SLC24A2: variants seen among roughly 807,000 people sequenced by gnomAD.
SLC24A2 encodes sodium/potassium/calcium exchanger 2.
Under a neutral mutation model 62.0 loss-of-function variants are expected in SLC24A2, and 36 were observed. The observed-to-expected ratio is 0.58, with a 90% CI of 0.44 to 0.77. SLC24A2 has a LOEUF of 0.77. Ranked by LOEUF, SLC24A2 falls within the 30% of genes least tolerant of loss-of-function variation. The probability of loss-of-function intolerance (pLI) is 0.00; values close to 1 mark genes in which losing one functional copy is unlikely to be tolerated. For synonymous variants in SLC24A2, 358 were observed against 294.0 expected (o/e 1.22, Z -2.23); for missense variants, 846 against 817.9 (o/e 1.03, Z -0.42).
intron 2 of SLC24A2, among the ~76,000 whole-genome samples, chr9:19,771,289 C>G (rs556503150): frequency 3.3e-5 from 5 of 152,298 alleles, no homozygotes; most frequent in South Asian, 4.1e-4. Context: ...CCTCCTAAAG[C>G]ACAACACTAT....
rs1387793837 is a variant in SLC24A2, at chr9:19,507,988, C to G, written c.*8165G>C. ...TCTATGTTGGCGTCAACGTTGACAA[C>G]ATTTTCTTTGTTTTAACCGTATCTG... On this transcript the variant is annotated 3_prime_UTR_variant, in exon 11 of 11. Transcript: ENST00000341998. 6.6e-6 allele frequency: 1 copy of G among 152,210 alleles called. No homozygotes were observed. The highest frequency in any genetic ancestry group is 2.4e-5 in the African/African-American group (1 of 41,456). 9.4% of individuals were successfully genotyped at this position (152,210 alleles called of 1,614,324 possible). A position where few individuals can be genotyped will look rare whatever the true frequency, so the allele number is the denominator to read the frequency against.
the SLC24A2 span, among the ~76,000 whole-genome samples, chr9:20,101,533 G>A: frequency 6.6e-6 from 1 of 152,140 alleles, no homozygotes; most frequent in Non-Finnish European, 1.5e-5. Flanking sequence ...AATAGTATGA[G>A]AGAACTTTTG....
chr9:19,631,266 C>A (rs1313512276), intron 2 of SLC24A2, among the ~76,000 whole-genome samples: 2 of 152,158 alleles, frequency 1.3e-5, no homozygotes, highest in Non-Finnish European at 2.9e-5. Flanking sequence ...AGGTAAATAG[C>A]TTCGTCTTGG....
chr9:20,283,241 G>A, the SLC24A2 span, among the ~76,000 whole-genome samples: 1 of 152,162 alleles, frequency 6.6e-6, no homozygotes, highest in East Asian at 1.9e-4. Context: ...TGTCCATTTG[G>A]ATGTTGCCGT....
the SLC24A2 span, among the ~76,000 whole-genome samples, chr9:19,938,606 A>G: frequency 4.6e-5 from 7 of 152,306 alleles, no homozygotes; most frequent in South Asian, 1.0e-3. Flanking sequence ...ACCTAGACCT[A>G]TAAGTCTCCA....
chr9:19,750,976 T>C (rs1423734320), intron 2 of SLC24A2, among the ~76,000 whole-genome samples: 5 of 152,198 alleles, frequency 3.3e-5, no homozygotes, highest in Non-Finnish European at 7.4e-5. Context: ...CCTTCTCGAC[T>C]GAAGATTTAG....
the SLC24A2 span, among the ~76,000 whole-genome samples, chr9:20,286,351 C>T: frequency 3.3e-5 from 5 of 152,316 alleles, no homozygotes; most frequent in Non-Finnish European, 7.4e-5. Context: ...CACATCCAGG[C>T]TCCATCAAGC....
intron 7 of SLC24A2, among the ~76,000 whole-genome samples, chr9:19,563,114 TAAAAA>T (rs1344870474): frequency 1.3e-5 from 2 of 152,010 alleles, no homozygotes; most frequent in African/African-American, 4.8e-5. Flanking sequence ...TCTAAAAAAA[TAAAAA>T]TAAACAGTCT....
chr9:20,105,649 A>G, the SLC24A2 span, among the ~76,000 whole-genome samples: 4 of 151,984 alleles, frequency 2.6e-5, no homozygotes, highest in Admixed American at 6.6e-5. Context: ...TTTGAAACCA[A>G]TGAGAACAAA....
intron 9 of SLC24A2, among the ~76,000 whole-genome samples, chr9:19,524,518 T>C (rs1213270238): frequency 6.6e-6 from 1 of 152,054 alleles, no homozygotes; most frequent in African/African-American, 2.4e-5. Context: ...AAATAGCATT[T>C]ATGATAAAAG....
the SLC24A2 span, among the ~76,000 whole-genome samples, chr9:20,048,184 T>A: frequency 2.0e-4 from 30 of 152,232 alleles, no homozygotes; most frequent in Non-Finnish European, 4.4e-4. Context: ...CTTAGTACTA[T>A]GAGTGTCACT....
intron 2 of SLC24A2, among the ~76,000 whole-genome samples, chr9:19,714,433 T>TAAAAC (rs1332807592): frequency 6.9e-6 from 1 of 144,482 alleles, no homozygotes; most frequent in Non-Finnish European, 1.6e-5. Flanking sequence ...TTCTTTAAAA[T>TAAAAC]AAAACAAAAT....
chr9:19,721,868 C>T (rs757266137), intron 2 of SLC24A2, among the ~76,000 whole-genome samples: 1 of 152,084 alleles, frequency 6.6e-6, no homozygotes, highest in African/African-American at 2.4e-5. Context: ...CATTATTCTT[C>T]ACATAACTGA....
chr9:20,092,191 T>A, the SLC24A2 span, among the ~76,000 whole-genome samples: 2 of 152,306 alleles, frequency 1.3e-5, no homozygotes, highest in South Asian at 4.1e-4. Flanking sequence ...CAAACCCCCA[T>A]GAGTTTACCT....
At chr9:20,122,135 C>T in the SLC24A2 span, among the ~76,000 whole-genome samples, 4 of 152,188 alleles carry the variant, frequency 2.6e-5, no homozygotes, top group Non-Finnish European at 1.5e-5. Context: ...AAATAAGGGT[C>T]TCTTGTTCAC....
intron 2 of SLC24A2, among the ~76,000 whole-genome samples, chr9:19,642,480 A>T (rs1818525085): frequency 6.6e-6 from 1 of 152,054 alleles, no homozygotes; most frequent in Non-Finnish European, 1.5e-5. Flanking sequence ...AGTGTACAAA[A>T]ATCACAGGGT....
intron 5 of SLC24A2, among the ~76,000 whole-genome samples, chr9:19,582,291 G>C (rs1372768125): frequency 6.6e-6 from 1 of 152,168 alleles, no homozygotes; most frequent in Non-Finnish European, 1.5e-5. Context: ...AATGAATTTT[G>C]TTTCTCTTCT....
intron 2 of SLC24A2, among the ~76,000 whole-genome samples, chr9:19,638,025 T>A (rs546947126): frequency 1.3e-5 from 2 of 152,340 alleles, no homozygotes; most frequent in East Asian, 3.9e-4. Flanking sequence ...CTTACATGCA[T>A]TATTCATTTA....
the SLC24A2 span, among the ~76,000 whole-genome samples, chr9:20,231,391 G>C: frequency 2.0e-5 from 3 of 152,152 alleles, no homozygotes; most frequent in Non-Finnish European, 4.4e-5. Context: ...CCATTTGTTT[G>C]TAACCTCTTT....
Sources: gnomAD v4.1 joint callset for allele counts (sites outside exome capture counted in the v4.1 genomes callset) on GRCh38, gnomAD v4.1.1 for gene constraint, MANE v1.5 for transcripts, NCBI Gene and HGNC (gene_info 2026-07-23, HGNC 2026-07-21) for gene names.